Variants in TEX9 observed in about 807,000 individuals in gnomAD.
TEX9 encodes testis expressed 9.
Under a neutral mutation model 59.6 loss-of-function variants are expected in TEX9, and 74 were observed. That is an observed-to-expected ratio of 1.24 (90% CI 1.03 to 1.51). TEX9 has a LOEUF of 1.51. TEX9 is among the 40% of genes most tolerant of loss of function. The pLI is 0.00. For missense variants in TEX9, 522 were observed against 447.8 expected, an observed-to-expected ratio of 1.17 and a Z score of -1.49; for synonymous variants, 186 against 152.2, an observed-to-expected ratio of 1.22 and a Z score of -1.64.
chr15:56,344,859 A>C (rs769181790), intron 1 of TEX9, among the ~76,000 whole-genome samples: 3 of 151,800 alleles, frequency 2.0e-5, no homozygotes, highest in Non-Finnish European at 4.4e-5. Flanking sequence ...AATTACAGGA[A>C]AGTTAGATCT....
At chr15:56,394,813 A>G (rs775050105) in exon 9 of TEX9, 3 of 1,610,680 alleles carry the variant, frequency 1.9e-6, no homozygotes, top group Non-Finnish European at 2.5e-6. Flanking sequence ...GATTACAGCA[A>G]CAGTTGTCTT....
chr15:56,344,644 A>G (rs1397198142), intron 1 of TEX9, among the ~76,000 whole-genome samples: 1 of 152,134 alleles, frequency 6.6e-6, no homozygotes, highest in Non-Finnish European at 1.5e-5. Flanking sequence ...AAATGGGTGA[A>G]TTGTGTATTA....
chr15:56,391,467 A>G, intron 7 of TEX9, 49 bp downstream of exon 7: 1 of 1,247,780 alleles, frequency 8.0e-7, no homozygotes. Context: ...ACAGTTACTT[A>G]GAAGAAGAAA....
At chr15:56,453,258 T>C in the TEX9 span, among the ~76,000 whole-genome samples, 1 of 152,210 alleles carries the variant, frequency 6.6e-6, no homozygotes. Context: ...AAATTTACTA[T>C]ACATGTACCT....
At chr15:56,444,808 G>C in intron 12 of TEX9, 1 of 767,074 alleles carries the variant, frequency 1.3e-6, no homozygotes, top group Admixed American at 2.9e-5. Context: ...AGGTTAAAAA[G>C]CAAAAGTAAG....
chr15:56,416,604 G>C (rs1375633328), intron 10 of TEX9, among the ~76,000 whole-genome samples: 1 of 151,748 alleles, frequency 6.6e-6, no homozygotes, highest in Non-Finnish European at 1.5e-5. Context: ...TCCTGGATTT[G>C]GTTTGCAAAT....
intron 1 of TEX9, among the ~76,000 whole-genome samples, chr15:56,347,036 A>T (rs1218180994): frequency 3.9e-5 from 6 of 152,214 alleles, no homozygotes; most frequent in African/African-American, 1.4e-4. Flanking sequence ...TATGCGTAGG[A>T]CTTGTATGGT....
intron 8 of TEX9, 80 bp downstream of exon 8, chr15:56,394,327 C>G (rs2048353803): frequency 5.8e-6 from 7 of 1,207,146 alleles, no homozygotes. Context: ...TTTTGAATTA[C>G]TTTATTTAGA....
intron 1 of TEX9, among the ~76,000 whole-genome samples, chr15:56,336,906 A>G (rs191015764): frequency 1.3e-5 from 2 of 152,240 alleles, no homozygotes; most frequent in African/African-American, 4.8e-5. Flanking sequence ...CCAGTAGAGG[A>G]CTCAGCTGTG....
intron 9 of TEX9, among the ~76,000 whole-genome samples, chr15:56,405,413 A>G (rs1432062591): frequency 1.3e-5 from 2 of 152,152 alleles, no homozygotes; most frequent in African/African-American, 4.8e-5. Flanking sequence ...GTCTGACACC[A>G]AAGTCTGTGT....
chr15:56,458,812 T>C, the TEX9 span, among the ~76,000 whole-genome samples: 1 of 152,216 alleles, frequency 6.6e-6, no homozygotes, highest in East Asian at 1.9e-4. Context: ...CTGAATAATA[T>C]TCCATTGTCT....
chr15:56,454,316 G>T, the TEX9 span, among the ~76,000 whole-genome samples: 1 of 151,932 alleles, frequency 6.6e-6, no homozygotes, highest in African/African-American at 2.4e-5. Context: ...TGGAAAATGG[G>T]GTATCCATCC....
chr15:56,458,773 A>G, the TEX9 span, among the ~76,000 whole-genome samples: 1 of 151,978 alleles, frequency 6.6e-6, no homozygotes, highest in Non-Finnish European at 1.5e-5. Context: ...ACATCTTTTC[A>G]TGGCTTCATA....
At chr15:56,434,476 A>C (rs921675252) in intron 12 of TEX9, 17 of 1,379,874 alleles carry the variant, frequency 1.2e-5, no homozygotes, top group Non-Finnish European at 1.7e-5. Context: ...GAGTTTGGTT[A>C]AATTTAGTAT....
intron 4 of TEX9, among the ~76,000 whole-genome samples, chr15:56,384,279 C>T (rs1028594294): frequency 1.3e-5 from 2 of 152,054 alleles, no homozygotes; most frequent in African/African-American, 2.4e-5. Context: ...AGTACATAAT[C>T]GATGTGAATA....
At chr15:56,365,127 A>C (rs2141940362), upstream of TEX9, among the ~76,000 whole-genome samples, 1 of 152,358 alleles carries the variant, frequency 6.6e-6, no homozygotes, top group East Asian at 1.9e-4. Flanking sequence ...AAAGCACAAC[A>C]GGGAGGGATT....
At chr15:56,456,326 G>T in the TEX9 span, 1 of 1,424,056 alleles carries the variant, frequency 7.0e-7, no homozygotes, top group Admixed American at 2.6e-5. Context: ...TCACTTTCAG[G>T]TGCTAAGGAT....
chr15:56,441,744 G>A (rs1169691197), intron 12 of TEX9, among the ~76,000 whole-genome samples: 1 of 152,180 alleles, frequency 6.6e-6, no homozygotes, highest in African/African-American at 2.4e-5. Context: ...GCCAGGCACG[G>A]TGGCTCACAC....
At chr15:56,259,416 A>G (rs2141337232) in intron 1 of TEX9, among the ~76,000 whole-genome samples, 1 of 152,172 alleles carries the variant, frequency 6.6e-6, no homozygotes. Flanking sequence ...TTATAATTTA[A>G]TCAGCATTAA....
Sources: gnomAD v4.1 joint callset for allele counts (sites outside exome capture counted in the v4.1 genomes callset) on GRCh38, gnomAD v4.1.1 for gene constraint, MANE v1.5 for transcripts, NCBI Gene and HGNC (gene_info 2026-07-23, HGNC 2026-07-21) for gene names.